The following TEX14 variants were observed in gnomAD, a reference collection of about 807,000 sequenced individuals.
The protein encoded by TEX14 is inactive serine/threonine-protein kinase TEX14.
A neutral mutation model predicts 178.6 loss-of-function variants in TEX14; 168 were observed. The ratio of observed to expected loss-of-function variants is 0.94; its 90% CI spans 0.83 to 1.07. The LOEUF is 1.07. TEX14 is among the 50% of genes least tolerant of loss of function. The pLI is 0.00. For missense variants in TEX14, 1,730 were observed against 1,753.6 expected (o/e 0.99, Z 0.24); for synonymous variants, 626 against 634.1 (o/e 0.99, Z 0.19).
chr17:58,684,837 G>A (rs1054658083), intron 1 of TEX14, among the ~76,000 whole-genome samples: 4 of 151,810 alleles, frequency 2.6e-5, no homozygotes, highest in African/African-American at 4.8e-5. Flanking sequence ...TTAGCTGGGC[G>A]TGGTGTCTCA....
intron 1 of TEX14, among the ~76,000 whole-genome samples, chr17:58,676,207 C>T (rs577781754): frequency 7.6e-4 from 115 of 152,256 alleles, no homozygotes; most frequent in African/African-American, 2.6e-3. Flanking sequence ...GAAACCCCAT[C>T]TCTACTAAAA....
intron 19 of TEX14, chr17:58,581,638 C>G: frequency 6.2e-7 from 1 of 1,613,776 alleles, no homozygotes; most frequent in Non-Finnish European, 8.5e-7. Flanking sequence ...CTTGAGCAGT[C>G]GAGGAGTAAA....
chr17:58,560,830 C>T (rs1005713885), intron 29 of TEX14, among the ~76,000 whole-genome samples: 3 of 152,176 alleles, frequency 2.0e-5, no homozygotes, highest in African/African-American at 4.8e-5. Flanking sequence ...AGCACATTAC[C>T]GTCATCTGGA....
intron 31 of TEX14, 63 bp downstream of exon 31, chr17:58,557,736 T>A: frequency 7.5e-7 from 1 of 1,341,040 alleles, no homozygotes; most frequent in Admixed American, 2.0e-5. Context: ...TAAATGTTTT[T>A]AAGTCTGCTT....
chr17:58,677,163 T>G (rs915571262), intron 1 of TEX14, among the ~76,000 whole-genome samples: 1 of 150,354 alleles, frequency 6.7e-6, no homozygotes, highest in African/African-American at 2.5e-5. Context: ...TGGTGGCACA[T>G]GCCTGTACAG....
At chr17:58,609,140 C>T (rs1041084402) in intron 10 of TEX14, among the ~76,000 whole-genome samples, 11 of 152,138 alleles carry the variant, frequency 7.2e-5, no homozygotes, top group African/African-American at 2.2e-4. Flanking sequence ...GACAGAGTCT[C>T]GCTCTGTCGC....
intron 2 of TEX14, among the ~76,000 whole-genome samples, chr17:58,642,358 A>C (rs1163139958): frequency 6.6e-6 from 1 of 152,078 alleles, no homozygotes; most frequent in African/African-American, 2.4e-5. Context: ...AGTCTTATTC[A>C]ACCGCCTCTC....
intron 15 of TEX14, among the ~76,000 whole-genome samples, chr17:58,592,518 T>A (rs1305254199): frequency 6.6e-6 from 1 of 151,604 alleles, no homozygotes; most frequent in East Asian, 1.9e-4. Context: ...GTATTTTTAG[T>A]AGAGACGGGG....
At chr17:58,683,244 G>T (rs563558921) in intron 1 of TEX14, among the ~76,000 whole-genome samples, 1 of 150,974 alleles carries the variant, frequency 6.6e-6, no homozygotes, top group African/African-American at 2.4e-5. Context: ...ATGGTGGCAC[G>T]TGTCTGTAAT....
intron 14 of TEX14, among the ~76,000 whole-genome samples, chr17:58,597,241 T>C (rs2045308923): frequency 1.3e-5 from 2 of 151,462 alleles, no homozygotes; most frequent in Admixed American, 1.3e-4. Flanking sequence ...CTACTAAAAA[T>C]ACAAAAAATT....
chr17:58,678,021 G>A (rs906453134), intron 1 of TEX14, among the ~76,000 whole-genome samples: 1 of 152,160 alleles, frequency 6.6e-6, no homozygotes, highest in Non-Finnish European at 1.5e-5. Context: ...ATGGTGGCGG[G>A]TGCCTGTAAG....
At position 58,569,248 on chromosome 17, in the gene TEX14, G is replaced by A. The variant is rs1567992141; in HGVS notation, c.3830C>T (p.Ser1277Leu). Residue 1277 changes from serine to leucine, a missense_variant, in exon 26 of 32, where the codon TCA becomes TTA. Physicochemically the swap from Ser to Leu is moderately radical, Grantham distance 145. Coordinates refer to ENST00000349033, the MANE Select transcript of TEX14 (RefSeq NM_031272.5). This position sits in a 1 kb window ranked among gnomAD's most constrained non-coding sequence, Gnocchi z 4.1. ...RRSLPKVEAF[S>L]QHHIDELPPP... ...TGGCAGCTCATCAATGTGATGCTGT[G>A]AGAAGGCTTCTACTAGTTTTTAAAA... is the stretch of plus-strand genomic sequence containing the variant. 6.2e-7 allele frequency: 1 copy of A among 1,613,922 alleles called. No homozygotes were observed. The highest frequency in any genetic ancestry group is 2.2e-5 in the East Asian group (1 of 44,876).
intron 1 of TEX14, chr17:58,660,710 TTTCTGAA>T (rs2047090904): frequency 1.3e-6 from 1 of 781,608 alleles, no homozygotes; most frequent in African/African-American, 1.7e-5. Flanking sequence ...CTGAGTGGCT[TTTCTGAA>T]TTCTTCTGGT....
At chr17:58,660,223 G>T (rs1038135285) in intron 1 of TEX14, among the ~76,000 whole-genome samples, 1 of 151,084 alleles carries the variant, frequency 6.6e-6, no homozygotes, top group Non-Finnish European at 1.5e-5. Flanking sequence ...TGACCAACAT[G>T]GTGAAACCTC....
At chr17:58,624,125 T>C (rs946362052) in intron 3 of TEX14, among the ~76,000 whole-genome samples, 21 of 151,624 alleles carry the variant, frequency 1.4e-4, no homozygotes, top group African/African-American at 5.1e-4. Flanking sequence ...CTACTAAAAA[T>C]ACAAAAAAAT....
chr17:58,622,964 G>A lies in TEX14; in HGVS notation c.300C>T (p.Gly100=). ...GCAGTTTGCTAAGGATCCACTGATT[G>A]CCCGAAAATGCTGCTGCATGGACAG... The part of the protein sequence containing the change: ...STPVHAAAFS[G]NQWILSKLLD... Residue 100 remains glycine, a synonymous_variant, in exon 4 of 32, where the codon GGC becomes GGT. Coordinates refer to ENST00000349033, the MANE Select transcript of TEX14 (RefSeq NM_031272.5). 6.2e-7 allele frequency: 1 copy of A among 1,610,944 alleles called. No homozygotes were observed. Among genetic ancestry groups the A allele is most frequent in the Non-Finnish European group, 8.5e-7 (1 of 1,177,286 alleles).
At chr17:58,680,559 T>A (rs868169581) in intron 1 of TEX14, among the ~76,000 whole-genome samples, 1 of 152,014 alleles carries the variant, frequency 6.6e-6, no homozygotes, top group Non-Finnish European at 1.5e-5. Flanking sequence ...CTGGCCAACA[T>A]GGTAAAACCC....
chr17:58,661,927 A>G (rs1317546287), intron 1 of TEX14: 2 of 207,632 alleles, frequency 9.6e-6, no homozygotes, highest in Non-Finnish European at 9.4e-6. Context: ...GCTACCCCCA[A>G]CCCAGGCTAT....
rs148360298 is a variant in TEX14, at chr17:58,570,432, C to T, written c.3770G>A (p.Cys1257Tyr). ...GAGSPSLVKA[C>Y]DSSPPHATQR... ...GGTGGCATGGGGTGGTGATGAGTCA[C>T]ATGCCTTAACAAGGCTGGGGGATCC... is the stretch of plus-strand genomic sequence containing the variant. The change falls in exon 25 of 32, where the codon TGT becomes TAT. Residue 1257 changes from cysteine to tyrosine, a missense_variant. Cys to Tyr is a radical substitution (Grantham distance 194). Coordinates refer to ENST00000349033, the MANE Select transcript of TEX14 (RefSeq NM_031272.5). 3.3e-6 allele frequency: 5 copies of T among 1,523,278 alleles called. No individual in the cohort carries two copies. Among genetic ancestry groups the T allele is most frequent in the Non-Finnish European group, 3.5e-6 (4 of 1,148,352 alleles). 94.4% of individuals were successfully genotyped at this position (1,523,278 alleles called of 1,614,324 possible).
Sources: gnomAD v4.1 joint callset for allele counts (sites outside exome capture counted in the v4.1 genomes callset) on GRCh38, gnomAD v4.1.1 for gene constraint, Gnocchi (gnomAD v3.1) non-coding constraint, MANE v1.5 for transcripts, NCBI Gene and HGNC (gene_info 2026-07-23, HGNC 2026-07-21) for gene names.